DRD2: variants seen among roughly 807,000 people sequenced by gnomAD.
DRD2 encodes dopamine receptor D2.
DRD2 carries 8 observed loss-of-function variants against 38.0 expected under a neutral mutation model. The observed-to-expected ratio is 0.21, with a 90% CI of 0.12 to 0.38. DRD2 has a LOEUF of 0.38. Among genes scored for constraint, DRD2 ranks in the 10% least tolerant of loss-of-function variants. The pLI is 1.00. For synonymous variants in DRD2, 230 were observed against 238.6 expected (o/e 0.96, Z 0.33); for missense variants, 403 against 607.7 (o/e 0.66, Z 3.54).
intron 1 of DRD2, among the ~76,000 whole-genome samples, chr11:113,470,832 G>T (rs748010729): frequency 6.6e-6 from 1 of 152,168 alleles, no homozygotes; most frequent in Non-Finnish European, 1.5e-5. Context: ...CAGGGGAAGA[G>T]GGAGGCCTCA....
At chr11:113,436,408 T>C (rs1342326203) in intron 1 of DRD2, among the ~76,000 whole-genome samples, 1 of 152,174 alleles carries the variant, frequency 6.6e-6, no homozygotes, top group Non-Finnish European at 1.5e-5. Context: ...TGGGCCTTAG[T>C]TGGATGCTGA....
chr11:113,464,836 C>T (rs1951353022), intron 1 of DRD2, among the ~76,000 whole-genome samples: 1 of 152,198 alleles, frequency 6.6e-6, no homozygotes, highest in Non-Finnish European at 1.5e-5. Context: ...GCCCAATATG[C>T]ATACACTTTT....
chr11:113,465,719 A>G (rs948428939), intron 1 of DRD2, among the ~76,000 whole-genome samples: 13 of 152,146 alleles, frequency 8.5e-5, no homozygotes, highest in Non-Finnish European at 2.9e-5. Context: ...CAGCTCTCCT[A>G]CTTCTCTGCT....
At chr11:113,474,844 C>T (rs117816894) in intron 1 of DRD2, among the ~76,000 whole-genome samples, 2,753 of 152,106 alleles carry the variant, frequency 0.018, 36 homozygotes, top group Non-Finnish European at 0.028. Flanking sequence ...TTCTAAGTGG[C>T]GAGGAGGCTA....
At chr11:113,443,427 G>T (rs920993000) in intron 1 of DRD2, among the ~76,000 whole-genome samples, 7 of 152,184 alleles carry the variant, frequency 4.6e-5, no homozygotes, top group Non-Finnish European at 1.0e-4. Context: ...TTAGCACAGT[G>T]TGGCGCTCAG....
At chr11:113,462,471 G>A (rs772030878) in intron 1 of DRD2, among the ~76,000 whole-genome samples, 10 of 152,216 alleles carry the variant, frequency 6.6e-5, no homozygotes, top group Non-Finnish European at 1.3e-4. Flanking sequence ...AGAGCCATGG[G>A]GGAGAGACAA....
intron 1 of DRD2, among the ~76,000 whole-genome samples, chr11:113,434,329 G>A (rs990180903): frequency 1.3e-4 from 20 of 152,188 alleles, no homozygotes; most frequent in African/African-American, 2.7e-4. Flanking sequence ...TTTGAGAGAC[G>A]TCCATGGAGA....
At chr11:113,433,438 T>G (rs560661889) in intron 1 of DRD2, among the ~76,000 whole-genome samples, 1 of 152,276 alleles carries the variant, frequency 6.6e-6, no homozygotes, top group Non-Finnish European at 1.5e-5. Context: ...GGATACCCGT[T>G]AGTGGAAGCC....
chr11:113,438,767 G>A (rs959447216), intron 1 of DRD2, among the ~76,000 whole-genome samples: 1 of 152,200 alleles, frequency 6.6e-6, no homozygotes, highest in Non-Finnish European at 1.5e-5. Flanking sequence ...GGATGCAACA[G>A]CTATGAGACA....
intron 1 of DRD2, among the ~76,000 whole-genome samples, chr11:113,447,933 C>T (rs1435719046): frequency 6.6e-6 from 1 of 152,162 alleles, no homozygotes. Context: ...AAGGAGGGAG[C>T]TCAGGGTGCC....
At chr11:113,419,303 G>C (rs1950858618) in intron 2 of DRD2, among the ~76,000 whole-genome samples, 1 of 152,220 alleles carries the variant, frequency 6.6e-6, no homozygotes, top group Non-Finnish European at 1.5e-5. Context: ...AAAGAAGGCA[G>C]ATCTGGGCTA....
chr11:113,454,226 C>T (rs947278217), intron 1 of DRD2, among the ~76,000 whole-genome samples: 1 of 152,096 alleles, frequency 6.6e-6, no homozygotes, highest in Non-Finnish European at 1.5e-5. Flanking sequence ...ATATGGTCCT[C>T]TTGCAATAAT....
rs371169875 is a variant in DRD2, at chr11:113,463,234, C to G, written c.-32+11842G>C. Reference sequence around the variant, plus strand: ...GCTCACCAAATCAGCAATTTTGAACCCAGAAATGAGAAGAAAGGACAAGAG... The same window carrying G: ...GCTCACCAAATCAGCAATTTTGAACGCAGAAATGAGAAGAAAGGACAAGAG... On this transcript the variant is annotated intron_variant, in intron 1 of 7. Coordinates refer to ENST00000362072, the MANE Select transcript of DRD2 (RefSeq NM_000795.4). 1.6e-4 allele frequency among the ~76,000 whole-genome samples: 25 copies of G among 152,224 alleles called. No individual in the cohort carries two copies. In the South Asian group the frequency reaches 5.2e-3, roughly 32 times the overall value.
chr11:113,424,232 C>T, intron 2 of DRD2, 135 bp downstream of exon 2: 1 of 895,866 alleles, frequency 1.1e-6, no homozygotes, highest in Non-Finnish European at 1.7e-6. Flanking sequence ...AAAAGTAAGC[C>T]CAGAGTGAAG....
Position 113,416,843 on chromosome 11 carries a change from C to G in DRD2, c.532+20G>C. On this transcript the variant is annotated intron_variant, in intron 4 of 7. Coordinates refer to ENST00000362072, the MANE Select transcript of DRD2 (RefSeq NM_000795.4). ...GGCCCAGGGCCAGCTGAGCCTCAGGCAAACAAAAGCAGAATGTACCTGCGT... is the reference window on the plus strand; with the variant it reads ...GGCCCAGGGCCAGCTGAGCCTCAGGGAAACAAAAGCAGAATGTACCTGCGT... 2 of 1,612,388 alleles carry G rather than the reference C, an allele frequency of 1.2e-6. No homozygotes were observed. Among genetic ancestry groups the G allele is most frequent in the South Asian group, 1.1e-5 (1 of 90,640 alleles).
chr11:113,436,946 A>G (rs1951044681), intron 1 of DRD2, among the ~76,000 whole-genome samples: 1 of 152,100 alleles, frequency 6.6e-6, no homozygotes, highest in Non-Finnish European at 1.5e-5. Flanking sequence ...TCCAGGACAG[A>G]TGGAGCCCTG....
At chr11:113,419,509 C>T in intron 2 of DRD2, among the ~76,000 whole-genome samples, 1 of 147,954 alleles carries the variant, frequency 6.8e-6, no homozygotes, top group Admixed American at 6.8e-5. Context: ...ACGTAACACC[C>T]ATTCACACAC....
At chr11:113,474,058 C>G (rs1051892639) in intron 1 of DRD2, among the ~76,000 whole-genome samples, 2 of 152,120 alleles carry the variant, frequency 1.3e-5, no homozygotes, top group African/African-American at 4.8e-5. Flanking sequence ...CCCCCTCACC[C>G]AACCTCAAGA....
At chr11:113,424,788 G>T in intron 1 of DRD2, 106 bp from the exon 2 acceptor site, 1 of 1,136,038 alleles carries the variant, frequency 8.8e-7, no homozygotes, top group East Asian at 2.5e-5. Context: ...TTTCCAACTC[G>T]GGATTTTAAG....
Sources: gnomAD v4.1 joint callset for allele counts (sites outside exome capture counted in the v4.1 genomes callset) on GRCh38, gnomAD v4.1.1 for gene constraint, MANE v1.5 for transcripts, NCBI Gene and HGNC (gene_info 2026-07-23, HGNC 2026-07-21) for gene names.